The following CSTA variants were observed in gnomAD, a reference collection of about 807,000 sequenced individuals.
CSTA encodes cystatin-A.
In CSTA, 9 loss-of-function variants were observed where a neutral mutation model predicts 9.2. The ratio of observed to expected loss-of-function variants is 0.97; its 90% confidence interval spans 0.59 to 1.70. The LOEUF is 1.70. Among genes scored for constraint, CSTA ranks in the 40% most tolerant of loss-of-function variants. CSTA has a pLI of 0.00. For synonymous variants in CSTA, 36 were observed against 40.6 expected (o/e 0.89, Z 0.43); for missense variants, 118 against 113.1 (o/e 1.04, Z -0.20).
intron 1 of CSTA, among the ~76,000 whole-genome samples, chr3:122,328,957 T>A (rs574225231): frequency 1.1e-4 from 16 of 149,312 alleles, no homozygotes; most frequent in African/African-American, 3.4e-4. Flanking sequence ...TAAAAAAAAA[T>A]TAAAAATTTA....
At chr3:122,335,476 G>T (rs534393086) in intron 1 of CSTA, among the ~76,000 whole-genome samples, 153 of 152,244 alleles carry the variant, frequency 1.0e-3, no homozygotes, top group Non-Finnish European at 1.7e-3. Flanking sequence ...ATTATTTTAT[G>T]TATATGCTAG....
At chr3:122,332,700 G>A (rs781308030) in intron 1 of CSTA, among the ~76,000 whole-genome samples, 11 of 152,104 alleles carry the variant, frequency 7.2e-5, no homozygotes, top group Non-Finnish European at 1.2e-4. Context: ...CCTCCTCCCC[G>A]GCTGGAGACC....
intron 2 of CSTA, among the ~76,000 whole-genome samples, chr3:122,338,803 G>A (rs751844944): frequency 6.6e-6 from 1 of 152,154 alleles, no homozygotes; most frequent in African/African-American, 2.4e-5. Flanking sequence ...AATAATTTAT[G>A]ATTAATTCAA....
chr3:122,326,087 C>T (rs1158012333), intron 1 of CSTA, among the ~76,000 whole-genome samples: 6 of 152,136 alleles, frequency 3.9e-5, no homozygotes, highest in East Asian at 1.9e-4. Flanking sequence ...GGTCTGATCA[C>T]GGCTCACTGT....
intron 1 of CSTA, among the ~76,000 whole-genome samples, chr3:122,325,767 G>A (rs532200832): frequency 6.6e-6 from 1 of 152,260 alleles, no homozygotes; most frequent in African/African-American, 2.4e-5. Context: ...ATGCACTGCA[G>A]GGAAAATTTT....
intron 1 of CSTA, among the ~76,000 whole-genome samples, chr3:122,334,644 G>A (rs189031638): frequency 6.6e-6 from 1 of 152,282 alleles, no homozygotes; most frequent in East Asian, 1.9e-4. Flanking sequence ...TCAACACAGA[G>A]AGTTATATCC....
intron 2 of CSTA, chr3:122,338,058 TTAAAG>T (rs2075245353): frequency 2.5e-5 from 4 of 161,630 alleles, no homozygotes; most frequent in Non-Finnish European, 4.1e-5. Context: ...ATTAAATAAA[TTAAAG>T]TAACGACTCA....
At chr3:122,335,190 A>C (rs1331806532) in intron 1 of CSTA, among the ~76,000 whole-genome samples, 1 of 152,192 alleles carries the variant, frequency 6.6e-6, no homozygotes, top group Non-Finnish European at 1.5e-5. Flanking sequence ...GGGAATGCTG[A>C]CATTTAAACC....
intron 2 of CSTA, among the ~76,000 whole-genome samples, chr3:122,339,358 A>G (rs1158971605): frequency 6.6e-6 from 1 of 152,228 alleles, no homozygotes; most frequent in Non-Finnish European, 1.5e-5. Context: ...GGCTTATCTC[A>G]TTTAATCCTC....
chr3:122,330,083 G>A (rs981567168), intron 1 of CSTA, among the ~76,000 whole-genome samples: 2 of 152,154 alleles, frequency 1.3e-5, no homozygotes, highest in African/African-American at 2.4e-5. Context: ...TATTATAACC[G>A]CTTTATAGGT....
intron 1 of CSTA, among the ~76,000 whole-genome samples, chr3:122,329,675 A>G (rs569824042): frequency 1.6e-3 from 251 of 152,380 alleles, no homozygotes; most frequent in Middle Eastern, 3.4e-3. Flanking sequence ...TAATTATTAT[A>G]GAAGCTACAT....
intron 2 of CSTA, among the ~76,000 whole-genome samples, chr3:122,340,687 A>T (rs1559983368): frequency 2.0e-5 from 3 of 152,208 alleles, no homozygotes; most frequent in Admixed American, 1.3e-4. Flanking sequence ...GTAGGTTCTG[A>T]TATAGGTATG....
At chr3:122,337,394 A>G (rs938944792) in intron 1 of CSTA, among the ~76,000 whole-genome samples, 153 bp from the exon 2 acceptor site, 6 of 152,200 alleles carry the variant, frequency 3.9e-5, no homozygotes, top group African/African-American at 1.4e-4. Flanking sequence ...TTGTATTAAA[A>G]CAGGTGTTTT....
intron 1 of CSTA, among the ~76,000 whole-genome samples, chr3:122,331,897 G>A (rs1003811475): frequency 6.6e-6 from 1 of 152,152 alleles, no homozygotes; most frequent in Non-Finnish European, 1.5e-5. Context: ...CAGATGGGGT[G>A]GAGGGGATAG....
At chr3:122,338,499 CAAAAA>C (rs58446448) in intron 2 of CSTA, among the ~76,000 whole-genome samples, 1 of 140,150 alleles carries the variant, frequency 7.1e-6, no homozygotes. Flanking sequence ...ATTTTTTCAG[CAAAAA>C]AAAAAAAAAA....
Position 122,341,476 on chromosome 3 carries a change from T to C in CSTA, c.206T>C (p.Val69Ala), listed in dbSNP as rs751252387. The change falls in exon 3 of 3, where the codon GTA becomes GCA. Residue 69 changes from valine to alanine, a missense_variant. Coordinates refer to ENST00000264474, the MANE Select transcript of CSTA (RefSeq NM_005213.4). ...GATAATAAATATATGCACTTGAAAG[T>C]ATTCAAAAGTCTTCCCGGACAAAAT... ...AGDNKYMHLKVFKSLPGQNED... is the reference protein window; with the variant it reads ...AGDNKYMHLKAFKSLPGQNED... 1.2e-6 allele frequency: 2 copies of C among 1,613,994 alleles called. No homozygotes were observed. Among genetic ancestry groups the C allele is most frequent in the Non-Finnish European group, 1.7e-6 (2 of 1,179,904 alleles).
chr3:122,338,448 C>A (rs1382181199), intron 2 of CSTA, among the ~76,000 whole-genome samples: 1 of 150,118 alleles, frequency 6.7e-6, no homozygotes, highest in Non-Finnish European at 1.5e-5. Flanking sequence ...GCTTATTTCT[C>A]TTTAACAAAT....
chr3:122,328,990 G>A (rs2075186637), intron 1 of CSTA, among the ~76,000 whole-genome samples: 1 of 150,510 alleles, frequency 6.6e-6, no homozygotes, highest in South Asian at 2.1e-4. Flanking sequence ...TTTTTTGACG[G>A]AATCTCGCTC....
In CSTA at chr3:122,341,545, A is replaced by T; in HGVS notation, c.275A>T (p.Asp92Val). 7 of 1,614,174 alleles carry T rather than the reference A, an allele frequency of 4.3e-6. No homozygotes were observed. The highest frequency in any genetic ancestry group is 3.3e-4 in the Middle Eastern group (2 of 6,062). ...LTGYQVDKNK[D>V]DELTGF The stretch of plus-strand genomic sequence containing the variant: ...GGATACCAGGTTGACAAAAACAAGG[A>T]TGACGAGCTGACGGGCTTTTAGCAG... The change falls in exon 3 of 3, where the codon GAT becomes GTT. Residue 92 changes from aspartate to valine, a missense_variant. By Grantham distance (152) the Asp-to-Val change is radical. Transcript: ENST00000264474.
Sources: allele counts gnomAD v4.1 joint callset (sites outside exome capture counted in the v4.1 genomes callset), GRCh38; gene constraint gnomAD v4.1.1; transcripts MANE v1.5; gene names NCBI Gene and HGNC (gene_info 2026-07-23, HGNC 2026-07-21).